IL9R: variants seen among roughly 807,000 people sequenced by gnomAD.
IL9R encodes the protein interleukin 9 receptor.
IL9R carries 54 observed loss-of-function variants against 56.3 expected under a neutral mutation model. The observed-to-expected ratio is 0.96, with a 90% CI of 0.77 to 1.20. The LOEUF (loss-of-function observed/expected upper bound fraction) is 1.20. Among genes scored for constraint, IL9R ranks in the 50% most tolerant of loss-of-function variants. IL9R has a pLI of 0.00. For synonymous variants in IL9R, 212 were observed against 250.2 expected (o/e 0.85, Z 1.44); for missense variants, 545 against 629.8 (o/e 0.87, Z 1.44).
chrX:156,006,337 C>G, intron 7 of IL9R, 149 bp downstream of exon 7: 2 of 618,674 alleles, frequency 3.2e-6, no homozygotes, highest in Non-Finnish European at 5.7e-6. Context: ...TCCTCCCCTC[C>G]CCTCTCCACT....
rs1429777539 is a variant in IL9R, at chrX:156,002,895, G to T, written c.29-11G>T. ...TGATTTGCACAGGGCCCTCAGCCCAGTCCCTTGCAGGCTGGACCTTGGAGA... is the reference window on the plus strand; with the variant it reads ...TGATTTGCACAGGGCCCTCAGCCCATTCCCTTGCAGGCTGGACCTTGGAGA... On this transcript the variant is annotated splice_polypyrimidine_tract_variant and intron_variant, in intron 1 of 8. Coordinates refer to ENST00000244174, the MANE Select transcript of IL9R (RefSeq NM_002186.3). 3 of 1,613,680 alleles carry T rather than the reference G, an allele frequency of 1.9e-6. No individual in the cohort carries two copies. Among genetic ancestry groups the T allele is most frequent in the Non-Finnish European group, 2.5e-6 (3 of 1,179,870 alleles).
At chrX:155,998,753 G>C (rs2067309029) in intron 1 of IL9R, among the ~76,000 whole-genome samples, 2 of 152,064 alleles carry the variant, frequency 1.3e-5, no homozygotes, top group South Asian at 2.1e-4. Context: ...AAACGGTTGA[G>C]TTGGGTGCAG....
At chrX:156,007,639 GGCAGGGGTTGC>G in intron 8 of IL9R, 32 bp downstream of exon 8, 2 of 1,154,506 alleles carry the variant, frequency 1.7e-6, no homozygotes, top group Non-Finnish European at 2.3e-6. Flanking sequence ...GGACATGGGG[GGCAGGGGTTGC>G]CCAGAGCTCT....
In IL9R at chrX:156,001,491, G is replaced by T. The variant is rs372640041; in HGVS notation, c.29-1415G>T. 4.4e-6 allele frequency: 7 copies of T among 1,608,242 alleles called. No homozygotes were observed. The highest frequency in any genetic ancestry group is 5.9e-6 in the Non-Finnish European group (7 of 1,176,578). ...TGTGGCTGGTGGTTCCAGGCTGCAC[G>T]CTCCATTCTAGGAAAGGGTGAGGCT... On this transcript the variant is annotated intron_variant, in intron 1 of 8. Coordinates refer to ENST00000244174, the MANE Select transcript of IL9R (RefSeq NM_002186.3).
chrX:156,005,786 T>G (rs187272409), intron 6 of IL9R, among the ~76,000 whole-genome samples: 1 of 152,072 alleles, frequency 6.6e-6, no homozygotes, highest in Non-Finnish European at 1.5e-5. Flanking sequence ...TAATGGGGGC[T>G]GGACTGACCC....
intron 1 of IL9R, chrX:156,001,329 G>A: frequency 1.0e-6 from 1 of 958,374 alleles, no homozygotes; most frequent in Admixed American, 1.7e-5. Context: ...TGCTTCCCCA[G>A]GTCCTGGTGG....
chrX:156,006,575 A>G (rs775852528), intron 7 of IL9R, among the ~76,000 whole-genome samples: 1 of 151,136 alleles, frequency 6.6e-6, no homozygotes, highest in African/African-American at 2.5e-5. Flanking sequence ...CTACGAAAGG[A>G]CAGTTGGGGC....
At position 156,002,845 on chromosome X, in the gene IL9R, T is replaced by C. The variant is rs776095088; in HGVS notation, c.29-61T>C. The C allele has an allele frequency of 5.6e-6, 9 of 1,611,582 alleles. No individual in the cohort carries two copies. In the South Asian group the frequency reaches 8.8e-5, roughly 16 times the overall value. ...GAGCACTCTGCTGGGGAGCAATTCA[T>C]GGGGAGCACCCCTCCAGAGAGGGAT... On this transcript the variant is annotated intron_variant, in intron 1 of 8. Transcript: ENST00000244174.
At chrX:155,998,512 C>G (rs890456183) in intron 1 of IL9R, among the ~76,000 whole-genome samples, 149 of 152,052 alleles carry the variant, frequency 9.8e-4, no homozygotes, top group African/African-American at 3.6e-3. Flanking sequence ...CTGTTCTGGG[C>G]TCACCCTCTT....
chrX:156,002,794 T>A (rs2067620103), intron 1 of IL9R, 112 bp from the exon 2 acceptor site: 3 of 1,455,550 alleles, frequency 2.1e-6, no homozygotes, highest in Non-Finnish European at 2.9e-6. Context: ...CACAGGACAC[T>A]GTGTGAGTGC....
At chrX:156,000,785 T>C (rs1323043186) in intron 1 of IL9R, among the ~76,000 whole-genome samples, 1 of 152,196 alleles carries the variant, frequency 6.6e-6, no homozygotes, top group African/African-American at 2.4e-5. Context: ...TAAAGCACTG[T>C]GGTGCCTTCT....
intron 1 of IL9R, among the ~76,000 whole-genome samples, chrX:156,002,187 CA>C (rs781571031): frequency 0.29 from 42,214 of 143,340 alleles, 7,826 homozygotes; most frequent in East Asian, 0.6. Context: ...ACTAAAAATA[CA>C]AAAAAAAAAA....
intron 8 of IL9R, among the ~76,000 whole-genome samples, chrX:156,008,891 TTA>T (rs1326194994): frequency 5.1e-4 from 71 of 137,948 alleles, no homozygotes; most frequent in Non-Finnish European, 5.4e-4. Flanking sequence ...GTGTGTGTGT[TTA>T]TGTGTCTGTG....
chrX:156,009,163 GTGTGTA>G (rs1569478879), intron 8 of IL9R, among the ~76,000 whole-genome samples: 4 of 129,296 alleles, frequency 3.1e-5, no homozygotes, highest in East Asian at 2.1e-4. Context: ...TTGTGTTTAT[GTGTGTA>G]TGTCTGTGTG....
chrX:155,998,867 G>C (rs1448488314), intron 1 of IL9R, among the ~76,000 whole-genome samples: 1 of 152,008 alleles, frequency 6.6e-6, no homozygotes, highest in Non-Finnish European at 1.5e-5. Flanking sequence ...GCTGTGGGAG[G>C]GGTGTTTTGG....
In IL9R at chrX:156,003,033, A is replaced by G. The variant is rs771955244; in HGVS notation, c.142+14A>G. 3.1e-6 allele frequency: 5 copies of G among 1,613,752 alleles called. No individual in the cohort carries two copies. The highest frequency in any genetic ancestry group is 4.2e-6 in the Non-Finnish European group (5 of 1,179,816). On this transcript the variant is annotated intron_variant, in intron 2 of 8. Coordinates refer to ENST00000244174, the MANE Select transcript of IL9R (RefSeq NM_002186.3). ...GGGAAGGACAAGGTGAGGGCTGGGCACTAATGTCTGTATGAGGTGGGTGGA... is the reference window on the plus strand; with the variant it reads ...GGGAAGGACAAGGTGAGGGCTGGGCGCTAATGTCTGTATGAGGTGGGTGGA...
In IL9R at chrX:156,010,077, G is replaced by A; in HGVS notation, c.1234G>A (p.Asp412Asn). The stretch of plus-strand genomic sequence containing the variant: ...GACGCTTGCCTATCTGCCACAGGAG[G>A]ACTGGGCCCCCACGTCCCTGACTAG... Reference protein sequence around the residue: ...VQTLAYLPQEDWAPTSLTRPA... With the variant: ...VQTLAYLPQENWAPTSLTRPA... The change falls in exon 9 of 9, where the codon GAC becomes AAC. Residue 412 changes from aspartate (D) to asparagine (N), a missense_variant. By Grantham distance (23) the Asp-to-Asn change is conservative. This residue lies in a region of IL9R where 114 missense variants were observed against 269.8 expected (regional missense o/e 0.42). Transcript: ENST00000244174. The A allele has an allele frequency of 6.3e-7, 1 of 1,582,312 alleles. No homozygotes were observed. The highest frequency in any genetic ancestry group is 8.5e-7 in the Non-Finnish European group (1 of 1,174,908).
chrX:156,000,151 T>TAC (rs1479482581), intron 1 of IL9R, among the ~76,000 whole-genome samples: 2 of 145,452 alleles, frequency 1.4e-5, no homozygotes, highest in African/African-American at 5.2e-5. Flanking sequence ...AAAAAATATA[T>TAC]ATATATATAC....
At chrX:156,006,339 C>G (rs1318334750) in intron 7 of IL9R, 151 bp downstream of exon 7, 1 of 618,386 alleles carries the variant, frequency 1.6e-6, no homozygotes, top group East Asian at 2.8e-5. Flanking sequence ...CTCCCCTCCC[C>G]TCTCCACTGC....
Sources: allele counts gnomAD v4.1 joint callset (sites outside exome capture counted in the v4.1 genomes callset), GRCh38; gene constraint gnomAD v4.1.1; regional missense constraint gnomAD v4.1.1; transcripts MANE v1.5; gene names NCBI Gene and HGNC (gene_info 2026-07-23, HGNC 2026-07-21).